The following DISP1 variants were observed in gnomAD, a reference collection of about 807,000 sequenced individuals.
DISP1 encodes protein dispatched homolog 1.
DISP1 carries 30 observed loss-of-function variants against 37.3 expected under a neutral mutation model. The ratio of observed to expected loss-of-function variants is 0.80; its 90% CI spans 0.60 to 1.09. DISP1 has a LOEUF of 1.09. Ranked by LOEUF, DISP1 falls within the 50% of genes least tolerant of loss-of-function variation. The pLI is 0.00. For synonymous variants in DISP1, 634 were observed against 690.2 expected, an observed-to-expected ratio of 0.92 and a Z score of 1.28; for missense variants, 1,598 against 1,879.5, an observed-to-expected ratio of 0.85 and a Z score of 2.77.
intron 3 of DISP1, among the ~76,000 whole-genome samples, chr1:222,948,065 G>C (rs1381182962): frequency 6.6e-6 from 1 of 152,198 alleles, no homozygotes; most frequent in African/African-American, 2.4e-5. Flanking sequence ...TGGTTGGGTA[G>C]ATGGTAATGC....
chr1:222,947,269 CT>C (rs1365098167), intron 3 of DISP1, among the ~76,000 whole-genome samples: 3 of 151,754 alleles, frequency 2.0e-5, no homozygotes, highest in South Asian at 2.1e-4. Flanking sequence ...TAGTATTTGC[CT>C]TTTTTTTGTC....
At chr1:222,982,199 A>C (rs1271737223) in intron 3 of DISP1, among the ~76,000 whole-genome samples, 1 of 152,226 alleles carries the variant, frequency 6.6e-6, no homozygotes, top group Non-Finnish European at 1.5e-5. Context: ...TTTGTTCTGC[A>C]ATCTATGGCA....
At chr1:222,937,019 T>A (rs1279371053) in intron 2 of DISP1, among the ~76,000 whole-genome samples, 25 of 113,556 alleles carry the variant, frequency 2.2e-4, no homozygotes, top group African/African-American at 7.9e-4. Context: ...TATTATATAT[T>A]ATATATTACA....
chr1:222,931,972 C>G (rs1263639861), intron 2 of DISP1, among the ~76,000 whole-genome samples: 2 of 151,854 alleles, frequency 1.3e-5, no homozygotes, highest in African/African-American at 2.4e-5. Flanking sequence ...TCTCTCCCCA[C>G]CCTTCCAGCT....
intron 1 of DISP1, among the ~76,000 whole-genome samples, chr1:222,854,230 A>G (rs999747896): frequency 6.6e-6 from 1 of 152,222 alleles, no homozygotes; most frequent in Non-Finnish European, 1.5e-5. Context: ...GTCCGTTCTC[A>G]TGCTGCTGTC....
At chr1:222,934,150 A>G (rs148596075) in intron 2 of DISP1, among the ~76,000 whole-genome samples, 5 of 152,164 alleles carry the variant, frequency 3.3e-5, no homozygotes, top group Admixed American at 6.6e-5. Flanking sequence ...TTGTGGTCCT[A>G]TAAAAGCTAG....
At chr1:222,842,746 A>G (rs1303646566) in intron 1 of DISP1, among the ~76,000 whole-genome samples, 1 of 152,046 alleles carries the variant, frequency 6.6e-6, no homozygotes, top group Non-Finnish European at 1.5e-5. Context: ...TCCTGTGGTA[A>G]TAAAAATGGA....
At chr1:222,921,789 A>G (rs555970332) in intron 1 of DISP1, among the ~76,000 whole-genome samples, 43 of 152,236 alleles carry the variant, frequency 2.8e-4, no homozygotes, top group Non-Finnish European at 4.4e-4. Flanking sequence ...AGTACATGGT[A>G]TAATATACTT....
intron 1 of DISP1, among the ~76,000 whole-genome samples, chr1:222,854,841 G>A (rs949235346): frequency 6.6e-6 from 1 of 151,704 alleles, no homozygotes; most frequent in Non-Finnish European, 1.5e-5. Flanking sequence ...ATACCTAACT[G>A]CTTGGGATGA....
At chr1:222,823,764 A>G (rs2125164913) in intron 1 of DISP1, 1 of 152,266 alleles carries the variant, frequency 6.6e-6, no homozygotes, top group African/African-American at 2.4e-5. Flanking sequence ...AAGAATTAGC[A>G]AAGTGTTTTA....
intron 3 of DISP1, among the ~76,000 whole-genome samples, chr1:222,944,973 T>G (rs1348349579): frequency 6.6e-6 from 1 of 151,932 alleles, no homozygotes; most frequent in Non-Finnish European, 1.5e-5. Context: ...AGCCCAGGAC[T>G]TCAATGCCAG....
chr1:222,882,177 A>C (rs927692692), intron 1 of DISP1, among the ~76,000 whole-genome samples: 4 of 152,168 alleles, frequency 2.6e-5, no homozygotes, highest in African/African-American at 9.6e-5. Flanking sequence ...AGATTTTCTT[A>C]ATTTATTTCA....
rs190690383 is a variant in DISP1 at position 222,949,729 on chromosome 1, G to A, written c.509+6397G>A. Among the ~76,000 whole-genome samples the A allele has an allele frequency of 7.2e-5, 11 of 152,152 alleles. No homozygotes were observed. The East Asian group carries it at 7.8e-4, about 11-fold the overall frequency. ...GCAACCTCCACCTCCTGGGTTCAAC[G>A]GATTCTTCTGCCTCAGCCTCCTGAG... On this transcript the variant is annotated intron_variant, in intron 3 of 8. Coordinates refer to ENST00000675850, the MANE Select transcript of DISP1 (RefSeq NM_001377229.1).
chr1:222,919,515 G>GC (rs1479480425), intron 1 of DISP1, among the ~76,000 whole-genome samples: 2 of 152,140 alleles, frequency 1.3e-5, no homozygotes, highest in African/African-American at 4.8e-5. Context: ...GAAGCAGGGA[G>GC]CCCTCTTCTT....
chr1:222,921,122 C>A (rs892363437), intron 1 of DISP1, among the ~76,000 whole-genome samples: 3 of 152,094 alleles, frequency 2.0e-5, no homozygotes, highest in Admixed American at 6.6e-5. Flanking sequence ...CCACCCTGGG[C>A]AACATGGTGA....
intron 2 of DISP1, among the ~76,000 whole-genome samples, chr1:222,940,850 C>G (rs773536336): frequency 6.6e-6 from 1 of 152,028 alleles, no homozygotes; most frequent in Non-Finnish European, 1.5e-5. Context: ...ATGGAGTGCT[C>G]GTACAATGAG....
chr1:222,894,222 G>A (rs564608152), intron 1 of DISP1, among the ~76,000 whole-genome samples: 2 of 152,150 alleles, frequency 1.3e-5, no homozygotes, highest in African/African-American at 2.4e-5. Flanking sequence ...GCTTCAGGCC[G>A]TCCCTGGCTT....
intron 3 of DISP1, among the ~76,000 whole-genome samples, chr1:222,973,123 C>A (rs1380958202): frequency 6.6e-6 from 1 of 152,180 alleles, no homozygotes; most frequent in African/African-American, 2.4e-5. Context: ...ATGCCCCATT[C>A]TCCCCAAATT....
At chr1:222,908,897 A>G (rs988994565) in intron 1 of DISP1, among the ~76,000 whole-genome samples, 34 of 151,136 alleles carry the variant, frequency 2.2e-4, no homozygotes, top group African/African-American at 8.0e-4. Context: ...CCTGGAGATT[A>G]TTATTTTTCT....
Sources: gnomAD v4.1 joint callset for allele counts (sites outside exome capture counted in the v4.1 genomes callset) on GRCh38, gnomAD v4.1.1 for gene constraint, MANE v1.5 for transcripts, NCBI Gene and HGNC (gene_info 2026-07-23, HGNC 2026-07-21) for gene names.